The following WDR49 variants were observed in gnomAD, a reference collection of about 807,000 sequenced individuals.
The protein encoded by WDR49 is cilia- and flagella-associated protein 337.
WDR49 carries 107 observed loss-of-function variants against 119.5 expected under a neutral mutation model. The observed-to-expected ratio is 0.90, with a 90% CI of 0.77 to 1.05. WDR49 has a LOEUF of 1.05. Ranked by LOEUF, WDR49 falls within the 50% of genes least tolerant of loss-of-function variation. The pLI, the probability that WDR49 is intolerant of heterozygous loss-of-function variation, is 0.00. For missense variants in WDR49, 1,240 were observed against 1,220.5 expected (o/e 1.02, Z -0.24); for synonymous variants, 425 against 418.8 (o/e 1.01, Z -0.18).
intron 8 of WDR49, among the ~76,000 whole-genome samples, chr3:167,571,306 C>G (rs898488826): frequency 2.6e-5 from 4 of 152,058 alleles, no homozygotes; most frequent in African/African-American, 9.7e-5. Context: ...GCCAGGTGAG[C>G]ACTGTCTGAC....
intron 2 of WDR49, among the ~76,000 whole-genome samples, chr3:167,630,600 G>T (rs1193292848): frequency 6.6e-6 from 1 of 152,054 alleles, no homozygotes; most frequent in South Asian, 2.1e-4. Flanking sequence ...TTTAATCAAA[G>T]GGCAATAATT....
intron 2 of WDR49, among the ~76,000 whole-genome samples, chr3:167,647,490 C>T (rs898523822): frequency 2.0e-5 from 3 of 152,132 alleles, no homozygotes; most frequent in East Asian, 1.9e-4. Context: ...TTGGTGATGA[C>T]GCCATTTGCT....
At chr3:167,618,288 A>G (rs888161066) in intron 5 of WDR49, among the ~76,000 whole-genome samples, 11 of 152,168 alleles carry the variant, frequency 7.2e-5, no homozygotes, top group African/African-American at 2.7e-4. Flanking sequence ...TAATAAGGTG[A>G]CTTGTGTTAG....
chr3:167,510,716 C>A (rs1428966034), intron 16 of WDR49, among the ~76,000 whole-genome samples: 2 of 152,142 alleles, frequency 1.3e-5, no homozygotes, highest in Admixed American at 6.5e-5. Context: ...AATTTTTTAA[C>A]CTGGAAAGAG....
intron 10 of WDR49, among the ~76,000 whole-genome samples, chr3:167,543,946 TG>T (rs1429076466): frequency 6.6e-6 from 1 of 151,622 alleles, no homozygotes; most frequent in Non-Finnish European, 1.5e-5. Flanking sequence ...ATCAGATAAA[TG>T]AATTCAGTAA....
intron 18 of WDR49, among the ~76,000 whole-genome samples, chr3:167,483,082 G>A (rs1320199041): frequency 6.6e-6 from 1 of 152,194 alleles, no homozygotes; most frequent in African/African-American, 2.4e-5. Flanking sequence ...ACATCTAATA[G>A]TGTCTTAGAG....
At chr3:167,539,307 C>G (rs910435331) in intron 10 of WDR49, among the ~76,000 whole-genome samples, 1 of 152,052 alleles carries the variant, frequency 6.6e-6, no homozygotes, top group Non-Finnish European at 1.5e-5. Flanking sequence ...AAACAATATT[C>G]TTAGTCTTCT....
At chr3:167,616,137 T>C (rs188082452) in intron 5 of WDR49, among the ~76,000 whole-genome samples, 2 of 152,322 alleles carry the variant, frequency 1.3e-5, no homozygotes, top group Admixed American at 1.3e-4. Flanking sequence ...TAGCAAATGT[T>C]TTTTGGGTGA....
In WDR49 at chr3:167,531,144, A is replaced by G; in HGVS notation, c.2189T>C (p.Leu730Pro). 6.2e-7 allele frequency: 1 copy of G among 1,612,108 alleles called. No individual in the cohort carries two copies. The highest frequency in any genetic ancestry group is 8.5e-7 in the Non-Finnish European group (1 of 1,179,344). The change falls in exon 13 of 19, where the codon CTT becomes CCT. Residue 730 changes from leucine to proline, a missense_variant. Transcript: ENST00000682715. ...GKNAVMRLCF[L>P]KARKNTAVTG... ...CACTGCAGTGTTTTTTCTTGCTTTA[A>G]GAAAGCAAAGTCTCATAACAGCATT...
intron 7 of WDR49, among the ~76,000 whole-genome samples, chr3:167,592,591 C>T (rs968418163): frequency 3.3e-5 from 5 of 151,882 alleles, no homozygotes; most frequent in South Asian, 2.1e-4. Context: ...CACACCACCA[C>T]GCCCAGCTAA....
chr3:167,517,711 T>C (rs1358849939), intron 16 of WDR49, among the ~76,000 whole-genome samples: 1 of 144,254 alleles, frequency 6.9e-6, no homozygotes, highest in Non-Finnish European at 1.5e-5. Context: ...TACTTTTTTT[T>C]TCTTTTCTTT....
chr3:167,517,085 G>A (rs983025268), intron 16 of WDR49, among the ~76,000 whole-genome samples: 2 of 152,182 alleles, frequency 1.3e-5, no homozygotes, highest in Admixed American at 6.5e-5. Context: ...TGGAGAGGAT[G>A]TGGGTAAATA....
Position 167,520,130 on chromosome 3 carries a change from C to T in WDR49, c.2774+2185G>A, listed in dbSNP as rs551866597. Among the ~76,000 whole-genome samples, 15 of 150,994 alleles carry T rather than the reference C, an allele frequency of 9.9e-5. No homozygotes were observed. The East Asian group carries it at 1.2e-3, about 12-fold the overall frequency. On this transcript the variant is annotated intron_variant, in intron 16 of 18. Transcript: ENST00000682715. ...TGGGTGTGGTGGCATGCCTGTAGTC[C>T]GAGCTACTTGGGAGGCTGAGGTGGG...
chr3:167,525,861 C>CA (rs34265030), intron 15 of WDR49, among the ~76,000 whole-genome samples: 117,545 of 150,048 alleles, frequency 0.78, 46,151 homozygotes, highest in South Asian at 0.88. Flanking sequence ...AAACAAACAA[C>CA]AAAAAAAAAC....
chr3:167,540,258 T>C (rs941518188), intron 10 of WDR49, among the ~76,000 whole-genome samples: 21 of 152,140 alleles, frequency 1.4e-4, no homozygotes, highest in African/African-American at 3.9e-4. Context: ...ACACTAAATA[T>C]ATCTACAAGG....
intron 7 of WDR49, among the ~76,000 whole-genome samples, chr3:167,597,789 T>C (rs553419446): frequency 6.6e-6 from 1 of 152,276 alleles, no homozygotes; most frequent in South Asian, 2.1e-4. Context: ...TGTAGCCCCT[T>C]TGTTGTGGCC....
At chr3:167,537,662 G>A (rs1476827907) in intron 10 of WDR49, among the ~76,000 whole-genome samples, 1 of 152,110 alleles carries the variant, frequency 6.6e-6, no homozygotes, top group African/African-American at 2.4e-5. Context: ...AGGACAGGAT[G>A]GGCAAAGAAT....
Position 167,575,855 on chromosome 3 carries a change from A to C in WDR49, c.1509+63T>G. On this transcript the variant is annotated intron_variant, in intron 8 of 18. Coordinates refer to ENST00000682715, the MANE Select transcript of WDR49 (RefSeq NM_001366157.1). ...TTTCATTTTACCTTAAACTGAATTA[A>C]GTAAATGAGCCTCTGGACTTGGAGA... 2.0e-6 allele frequency: 3 copies of C among 1,524,672 alleles called. No individual in the cohort carries two copies. The East Asian group carries it at 6.8e-5, about 35-fold the overall frequency. The allele number at this position is 1,524,672 out of a possible 1,614,324, so 94.4% of individuals were successfully genotyped here. A position where few individuals can be genotyped will look rare whatever the true frequency, so the allele number is the denominator to read the frequency against.
At chr3:167,633,328 A>C (rs1247520414) in intron 2 of WDR49, 1 of 396,946 alleles carries the variant, frequency 2.5e-6, no homozygotes, top group African/African-American at 2.1e-5. Flanking sequence ...AGAAACAACT[A>C]TTCAAACTGT....
Sources: gnomAD v4.1 joint callset for allele counts (sites outside exome capture counted in the v4.1 genomes callset) on GRCh38, gnomAD v4.1.1 for gene constraint, MANE v1.5 for transcripts, NCBI Gene and HGNC (gene_info 2026-07-23, HGNC 2026-07-21) for gene names.